The following UGT1A9 variants were observed in gnomAD, a reference collection of about 807,000 sequenced individuals.
UGT1A9 encodes the protein UDP-glucuronosyltransferase 1A9.
In UGT1A9, 35 loss-of-function variants were observed where a neutral mutation model predicts 45.0. The observed-to-expected ratio is 0.78, with a 90% CI of 0.59 to 1.03. The LOEUF (loss-of-function observed/expected upper bound fraction) is 1.03, where lower values mean the gene tolerates loss of function less well. Among genes scored for constraint, UGT1A9 ranks in the 50% least tolerant of loss-of-function variants. UGT1A9 has a pLI of 0.00. For missense variants in UGT1A9, 687 were observed against 666.6 expected (o/e 1.03, Z -0.34); for synonymous variants, 278 against 250.6 (o/e 1.11, Z -1.03).
chr2:233,713,156 CCACCAGGTGGTGGT>C, intron 1 of UGT1A9: 2 of 1,614,194 alleles, frequency 1.2e-6, no homozygotes, highest in Non-Finnish European at 1.7e-6. Flanking sequence ...ATGCGAGAGG[CCACCAGGTGGTGGT>C]CCTCACCCTG....
At chr2:233,743,470 G>T in intron 1 of UGT1A9, 1 of 1,366,762 alleles carries the variant, frequency 7.3e-7, no homozygotes, top group Non-Finnish European at 9.8e-7. Flanking sequence ...ACCCCCAAAA[G>T]CTGGAAATTC....
chr2:233,724,528 C>G (rs1239231307), intron 1 of UGT1A9, among the ~76,000 whole-genome samples: 1 of 112,802 alleles, frequency 8.9e-6, no homozygotes, highest in African/African-American at 3.8e-5. Flanking sequence ...GATGGGGTCT[C>G]GCCGGGCAGA....
Position 233,713,658 on chromosome 2 carries a change from C to T in UGT1A9, c.855+40869C>T, listed in dbSNP as rs376312935. The stretch of plus-strand genomic sequence containing the variant: ...GCTCTACCCTCTGGCCCTGTCCTAC[C>T]TTTGCCATGCTGTTTCTGCTCCTTA... On this transcript the variant is annotated intron_variant, in intron 1 of 4. Coordinates refer to ENST00000354728, the MANE Select transcript of UGT1A9 (RefSeq NM_021027.3). 2 of 1,613,954 alleles carry T rather than the reference C, an allele frequency of 1.2e-6. No homozygotes were observed. Among genetic ancestry groups the T allele is most frequent in the Non-Finnish European group, 1.7e-6 (2 of 1,179,862 alleles).
At chr2:233,747,276 T>C in intron 1 of UGT1A9, 1 of 1,598,748 alleles carries the variant, frequency 6.3e-7, no homozygotes, top group Non-Finnish European at 8.5e-7. Context: ...TCCTTCTCAG[T>C]GCCCAGCCCT....
At chr2:233,739,918 T>C (rs1575632669) in intron 1 of UGT1A9, among the ~76,000 whole-genome samples, 1 of 151,914 alleles carries the variant, frequency 6.6e-6, no homozygotes, top group East Asian at 1.9e-4. Flanking sequence ...GTAATTTCCA[T>C]AATCCCCATG....
At chr2:233,744,610 G>T (rs1221206555) in intron 1 of UGT1A9, among the ~76,000 whole-genome samples, 1 of 151,880 alleles carries the variant, frequency 6.6e-6, no homozygotes, top group Non-Finnish European at 1.5e-5. Flanking sequence ...TTAGTACTTG[G>T]CTCTATAGAG....
intron 1 of UGT1A9, chr2:233,753,251 C>T (rs1242257828): frequency 6.6e-6 from 1 of 152,206 alleles, no homozygotes; most frequent in African/African-American, 2.4e-5. Flanking sequence ...TAAGAAGCAA[C>T]TACCCAGGCA....
At chr2:233,690,375 G>T in intron 1 of UGT1A9, 1 of 907,388 alleles carries the variant, frequency 1.1e-6, no homozygotes, top group Admixed American at 2.8e-5. Context: ...TCTCCATAGG[G>T]TCCACGTTTC....
At chr2:233,689,119 C>A (rs1178609064) in intron 1 of UGT1A9, among the ~76,000 whole-genome samples, 3 of 152,204 alleles carry the variant, frequency 2.0e-5, no homozygotes, top group African/African-American at 7.2e-5. Flanking sequence ...GGAACCACAA[C>A]CCACATTGTT....
At chr2:233,676,623 G>A (rs761489651) in intron 1 of UGT1A9, among the ~76,000 whole-genome samples, 5 of 152,126 alleles carry the variant, frequency 3.3e-5, no homozygotes, top group Non-Finnish European at 5.9e-5. Flanking sequence ...AGCCTGTGAC[G>A]GTTTCTCAGA....
intron 1 of UGT1A9, chr2:233,761,144 T>A: frequency 6.2e-7 from 1 of 1,614,254 alleles, no homozygotes; most frequent in Non-Finnish European, 8.5e-7. Flanking sequence ...CAAAATCCAC[T>A]ATCCCAGGTG....
intron 1 of UGT1A9, among the ~76,000 whole-genome samples, chr2:233,689,612 G>A (rs972552231): frequency 3.9e-5 from 6 of 152,172 alleles, no homozygotes; most frequent in African/African-American, 4.8e-5. Flanking sequence ...TTTAAAATTC[G>A]GGGTTAGCAG....
At chr2:233,742,766 G>T (rs1363291568) in intron 1 of UGT1A9, 4 of 152,980 alleles carry the variant, frequency 2.6e-5, no homozygotes, top group African/African-American at 9.7e-5. Context: ...GATAATAAAT[G>T]CATGTTGTTT....
At chr2:233,736,092 T>A (rs2078731726) in intron 1 of UGT1A9, among the ~76,000 whole-genome samples, 1 of 152,262 alleles carries the variant, frequency 6.6e-6, no homozygotes. Flanking sequence ...CTGGATAATA[T>A]CCTGAAGAGT....
chr2:233,772,894 C>CCA lies in UGT1A9; in HGVS notation c.*337_*338dup, dbSNP rs554656848. 8.1e-6 allele frequency: 4 copies of CCA among 491,752 alleles called. No individual in the cohort carries two copies. Among genetic ancestry groups the CCA allele is most frequent in the Non-Finnish European group, 1.3e-5 (4 of 303,172 alleles). The allele number at this position is 491,752 out of a possible 1,614,324, so 30.5% of individuals were successfully genotyped here. A position where few individuals can be genotyped will look rare whatever the true frequency, so the allele number is the denominator to read the frequency against. ...GGGAGTGCGGGATTCAAAGGTGGTC[C>CCA]CACGGCTGCCCCTACTGCAAATGGC... On this transcript the variant is annotated 3_prime_UTR_variant, in exon 5 of 5. Transcript: ENST00000354728.
At chr2:233,754,752 G>A in intron 1 of UGT1A9, 4 of 831,436 alleles carry the variant, frequency 4.8e-6, no homozygotes, top group Non-Finnish European at 7.2e-6. Context: ...GCAGAAGGAA[G>A]AAAGGCCCCC....
chr2:233,745,177 T>C (rs1693032562), intron 1 of UGT1A9, among the ~76,000 whole-genome samples: 1 of 151,880 alleles, frequency 6.6e-6, no homozygotes, highest in South Asian at 2.1e-4. Flanking sequence ...TTATTCACTT[T>C]TCTTGACTGC....
chr2:233,752,891 G>A (rs76026343), intron 1 of UGT1A9, among the ~76,000 whole-genome samples: 3,078 of 152,286 alleles, frequency 0.02, 63 homozygotes, highest in Non-Finnish European at 0.029. Context: ...ACTAGCCAGC[G>A]TTGTTACAGA....
At chr2:233,763,134 A>G (rs1698246018) in intron 1 of UGT1A9, among the ~76,000 whole-genome samples, 1 of 152,210 alleles carries the variant, frequency 6.6e-6, no homozygotes, top group African/African-American at 2.4e-5. Flanking sequence ...GCATTTATTG[A>G]TATAACCATA....
Sources: gnomAD v4.1 joint callset for allele counts (sites outside exome capture counted in the v4.1 genomes callset) on GRCh38, gnomAD v4.1.1 for gene constraint, MANE v1.5 for transcripts, NCBI Gene and HGNC (gene_info 2026-07-23, HGNC 2026-07-21) for gene names.